TCAIM: variants seen among roughly 807,000 people sequenced by gnomAD.
TCAIM encodes the protein T cell activation inhibitor, mitochondrial.
Under a neutral mutation model 58.6 loss-of-function variants are expected in TCAIM, and 36 were observed. The ratio of observed to expected loss-of-function variants is 0.61; its 90% confidence interval spans 0.47 to 0.81. The LOEUF is 0.81. Ranked by LOEUF, TCAIM falls within the 30% of genes least tolerant of loss-of-function variation. TCAIM has a pLI of 0.00. For missense variants in TCAIM, 466 were observed against 579.6 expected (o/e 0.80, Z 2.01); for synonymous variants, 172 against 193.6 (o/e 0.89, Z 0.93).
chr3:44,338,457 A>C (rs371949237), upstream of TCAIM: 1 of 152,286 alleles, frequency 6.6e-6, no homozygotes, highest in Non-Finnish European at 1.5e-5. Flanking sequence ...CGTAGGGGGA[A>C]GGCCTGGCAC....
intron 2 of TCAIM, among the ~76,000 whole-genome samples, chr3:44,355,928 A>T (rs1446152005): frequency 6.6e-6 from 1 of 152,186 alleles, no homozygotes; most frequent in Non-Finnish European, 1.5e-5. Context: ...GGATAAGTGG[A>T]GTTGCCACTG....
At chr3:44,366,404 C>T (rs1368410166) in intron 4 of TCAIM, among the ~76,000 whole-genome samples, 1 of 151,294 alleles carries the variant, frequency 6.6e-6, no homozygotes, top group African/African-American at 2.4e-5. Context: ...TCTCCTGCCT[C>T]AGCCTCCCGA....
rs200042105 is a variant in TCAIM at position 44,396,492 on chromosome 3, C to T, written c.788C>T (p.Ala263Val). The T allele has an allele frequency of 4.1e-4, 665 of 1,612,374 alleles. No homozygotes were observed. Among genetic ancestry groups the T allele is most frequent in the Non-Finnish European group, 5.4e-4 (641 of 1,179,650 alleles). ...AQQNLETLKKAKGCTIIFTDR... is the reference protein window; with the variant it reads ...AQQNLETLKKVKGCTIIFTDR... ...CAGAATTTGGAAACACTTAAAAAAGCAAAAGGTAAACATTTTCCATTTTCT... is the reference window on the plus strand; with the variant it reads ...CAGAATTTGGAAACACTTAAAAAAGTAAAAGGTAAACATTTTCCATTTTCT... The change falls in exon 7 of 11, where the codon GCA becomes GTA. Residue 263 changes from alanine to valine, a missense_variant. Ala to Val is a moderately conservative substitution (Grantham distance 64). Coordinates refer to ENST00000342649, the MANE Select transcript of TCAIM (RefSeq NM_173826.4).
At chr3:44,348,119 A>G (rs1006639888) in intron 1 of TCAIM, among the ~76,000 whole-genome samples, 1 of 152,212 alleles carries the variant, frequency 6.6e-6, no homozygotes, top group Non-Finnish European at 1.5e-5. Context: ...CAATACCCAC[A>G]ACAGTTATGG....
In TCAIM at chr3:44,357,833, T is replaced by G. The variant is rs889953902; in HGVS notation, c.122T>G (p.Phe41Cys). 2.5e-5 allele frequency: 41 copies of G among 1,614,058 alleles called. No individual in the cohort carries two copies. The highest frequency in any genetic ancestry group is 3.3e-5 in the Non-Finnish European group (39 of 1,180,024). The change falls in exon 3 of 11, where the codon TTT becomes TGT. Residue 41 changes from phenylalanine to cysteine, a missense_variant. Transcript: ENST00000342649. ...GTCAATGCCTTGAGGCCTTTCTATTTTGCAGTACATCCAGATTTCTTTGGA... is the reference window on the plus strand; with the variant it reads ...GTCAATGCCTTGAGGCCTTTCTATTGTGCAGTACATCCAGATTTCTTTGGA... ...EAVNALRPFY[F>C]AVHPDFFGQH...
chr3:44,340,589 T>A (rs1396951427), intron 1 of TCAIM: 1 of 152,236 alleles, frequency 6.6e-6, no homozygotes, highest in Non-Finnish European at 1.5e-5. Context: ...GATCCAAGTT[T>A]GTATTAAATA....
At chr3:44,401,116 A>T in intron 9 of TCAIM, 87 bp from the exon 10 acceptor site, 3 of 1,517,618 alleles carry the variant, frequency 2.0e-6, no homozygotes, top group Non-Finnish European at 2.6e-6. Flanking sequence ...ATTTTTTTTT[A>T]TTTTCCTGAA....
chr3:44,384,682 G>A (rs1274807864), intron 5 of TCAIM, among the ~76,000 whole-genome samples: 1 of 152,202 alleles, frequency 6.6e-6, no homozygotes, highest in Non-Finnish European at 1.5e-5. Context: ...ATTCAAAGTT[G>A]TTTAATGGGA....
intron 1 of TCAIM, among the ~76,000 whole-genome samples, chr3:44,347,399 C>T (rs1447408377): frequency 6.6e-6 from 1 of 152,116 alleles, no homozygotes. Context: ...TGAAGGCTTG[C>T]AGCAGTACAG....
At chr3:44,357,447 A>G (rs780544986) in intron 2 of TCAIM, among the ~76,000 whole-genome samples, 2 of 152,232 alleles carry the variant, frequency 1.3e-5, no homozygotes, top group Non-Finnish European at 2.9e-5. Context: ...AGAAACTTAT[A>G]AAGAAAATTG....
intron 5 of TCAIM, among the ~76,000 whole-genome samples, chr3:44,377,631 T>G (rs916674689): frequency 6.6e-6 from 1 of 152,250 alleles, no homozygotes; most frequent in African/African-American, 2.4e-5. Flanking sequence ...GGCCACAAAT[T>G]AAGTCTCAAT....
intron 5 of TCAIM, among the ~76,000 whole-genome samples, chr3:44,382,817 G>T (rs1392494101): frequency 6.6e-6 from 1 of 152,122 alleles, no homozygotes; most frequent in Non-Finnish European, 1.5e-5. Context: ...CACAAAATGA[G>T]AGAAAATGTT....
intron 8 of TCAIM, 149 bp from the exon 9 acceptor site, chr3:44,400,206 T>G: frequency 1.6e-6 from 1 of 619,148 alleles, no homozygotes; most frequent in Non-Finnish European, 2.7e-6. Flanking sequence ...CAGCATTACA[T>G]TAAGTTTTTT....
intron 6 of TCAIM, among the ~76,000 whole-genome samples, chr3:44,395,021 C>T (rs7644467): frequency 0.5 from 68,318 of 136,884 alleles, 17,854 homozygotes; most frequent in East Asian, 0.81. Context: ...TCCCTGAGAC[C>T]ATAACATTTG....
Position 44,357,844 on chromosome 3 carries a change from C to A in TCAIM, c.133C>A (p.Pro45Thr). The A allele has an allele frequency of 6.2e-7, 1 of 1,614,048 alleles. No individual in the cohort carries two copies. The highest frequency in any genetic ancestry group is 8.5e-7 in the Non-Finnish European group (1 of 1,179,986). ...GAGGCCTTTCTATTTTGCAGTACATCCAGATTTCTTTGGACAGCACCCCGT... is the reference window on the plus strand; with the variant it reads ...GAGGCCTTTCTATTTTGCAGTACATACAGATTTCTTTGGACAGCACCCCGT... ...ALRPFYFAVHPDFFGQHPVER... is the reference protein window; with the variant it reads ...ALRPFYFAVHTDFFGQHPVER... The change falls in exon 3 of 11, where the codon CCA becomes ACA. Residue 45 changes from proline (P) to threonine (T), a missense_variant. Transcript: ENST00000342649.
chr3:44,400,312 T>C, intron 8 of TCAIM, 43 bp from the exon 9 acceptor site: 1 of 1,414,404 alleles, frequency 7.1e-7, no homozygotes, highest in Non-Finnish European at 9.7e-7. Flanking sequence ...ATTATTATAG[T>C]AACATAAAAC....
At chr3:44,354,064 C>G (rs1270284381) in intron 1 of TCAIM, among the ~76,000 whole-genome samples, 1 of 152,144 alleles carries the variant, frequency 6.6e-6, no homozygotes, top group Non-Finnish European at 1.5e-5. Context: ...ATATTTAGGT[C>G]TGTGACCCAT....
intron 10 of TCAIM, 142 bp downstream of exon 10, chr3:44,401,476 C>A: frequency 9.4e-7 from 1 of 1,064,060 alleles, no homozygotes; most frequent in Non-Finnish European, 1.3e-6. Context: ...ATATTTATTT[C>A]TTCCCTACCT....
At chr3:44,383,532 A>G (rs1394171283) in intron 5 of TCAIM, among the ~76,000 whole-genome samples, 5 of 152,166 alleles carry the variant, frequency 3.3e-5, no homozygotes, top group African/African-American at 1.2e-4. Context: ...AGCGGTTGCC[A>G]GGGACTGGAG....
Sources: gnomAD v4.1 joint callset for allele counts (sites outside exome capture counted in the v4.1 genomes callset) on GRCh38, gnomAD v4.1.1 for gene constraint, MANE v1.5 for transcripts, NCBI Gene and HGNC (gene_info 2026-07-23, HGNC 2026-07-21) for gene names.